Variants in PRR16 observed in about 807,000 individuals in gnomAD.
The protein encoded by PRR16 is protein Largen.
In PRR16, 6 loss-of-function variants were observed where a neutral mutation model predicts 18.2. That is an observed-to-expected ratio of 0.33 (90% CI 0.18 to 0.65). The LOEUF (loss-of-function observed/expected upper bound fraction) is 0.65, where lower values mean the gene tolerates loss of function less well. Ranked by LOEUF, PRR16 falls within the 30% of genes least tolerant of loss-of-function variation. The probability of loss-of-function intolerance (pLI) is 0.74; values close to 1 mark genes in which losing one functional copy is unlikely to be tolerated. For missense variants in PRR16, 412 were observed against 376.6 expected (o/e 1.09, Z -0.78); for synonymous variants, 151 against 147.8 (o/e 1.02, Z -0.16).
intron 1 of PRR16, among the ~76,000 whole-genome samples, chr5:120,470,088 G>A (rs1749220365): frequency 6.6e-6 from 1 of 152,160 alleles, no homozygotes; most frequent in African/African-American, 2.4e-5. Context: ...AGAAATGCAA[G>A]TTTGAGCAAA....
the PRR16 span, chr5:120,781,154 C>G: frequency 6.6e-6 from 1 of 151,668 alleles, no homozygotes; most frequent in African/African-American, 2.4e-5. Context: ...TTTTTTCAAA[C>G]TGATGATATT....
intron 1 of PRR16, among the ~76,000 whole-genome samples, chr5:120,641,228 T>C (rs533586218): frequency 6.6e-6 from 1 of 152,210 alleles, no homozygotes; most frequent in Non-Finnish European, 1.5e-5. Flanking sequence ...CAAATGCTTA[T>C]TGAAGATTAT....
intron 1 of PRR16, among the ~76,000 whole-genome samples, chr5:120,545,063 AG>A (rs1752033767): frequency 6.6e-6 from 1 of 152,132 alleles, no homozygotes; most frequent in Non-Finnish European, 1.5e-5. Context: ...AGTGTCTCCA[AG>A]AAGACAAGAC....
chr5:120,521,160 A>G (rs1457957937), intron 1 of PRR16, among the ~76,000 whole-genome samples: 1 of 152,154 alleles, frequency 6.6e-6, no homozygotes, highest in Non-Finnish European at 1.5e-5. Context: ...CCAAGGATAC[A>G]GGATTCCCCA....
intron 1 of PRR16, among the ~76,000 whole-genome samples, chr5:120,536,473 A>AT (rs1751719392): frequency 1.3e-5 from 2 of 152,250 alleles, no homozygotes; most frequent in Admixed American, 6.5e-5. Flanking sequence ...TCTAGTTCAA[A>AT]GACTCCTACA....
At chr5:120,528,535 C>A (rs1263891266) in intron 1 of PRR16, among the ~76,000 whole-genome samples, 4 of 152,072 alleles carry the variant, frequency 2.6e-5, no homozygotes, top group Non-Finnish European at 4.4e-5. Flanking sequence ...AGAGGAAATA[C>A]AAATAATCTG....
chr5:120,570,607 T>G (rs945172110), intron 1 of PRR16, among the ~76,000 whole-genome samples: 4 of 152,130 alleles, frequency 2.6e-5, no homozygotes, highest in Non-Finnish European at 4.4e-5. Flanking sequence ...ACAATAGTAT[T>G]TATTGTAGCT....
At chr5:120,794,072 A>G in the PRR16 span, among the ~76,000 whole-genome samples, 1 of 152,132 alleles carries the variant, frequency 6.6e-6, no homozygotes, top group Non-Finnish European at 1.5e-5. Context: ...TTAACTCCTG[A>G]AAAGACTAAG....
intron 1 of PRR16, among the ~76,000 whole-genome samples, chr5:120,659,083 A>G (rs1017423895): frequency 8.6e-5 from 13 of 151,914 alleles, no homozygotes; most frequent in Admixed American, 6.6e-4. Context: ...CAAGTCTTTC[A>G]TGAACCATAC....
the PRR16 span, among the ~76,000 whole-genome samples, chr5:120,693,579 G>C: frequency 3.9e-5 from 6 of 152,194 alleles, no homozygotes; most frequent in Non-Finnish European, 8.8e-5. Context: ...TTCATTCTTT[G>C]TATAGGTCAG....
intron 1 of PRR16, among the ~76,000 whole-genome samples, chr5:120,522,260 A>G (rs1459652620): frequency 6.6e-6 from 1 of 152,186 alleles, no homozygotes; most frequent in Non-Finnish European, 1.5e-5. Context: ...GTCTTCCACA[A>G]TGGTTGAACT....
the PRR16 span, among the ~76,000 whole-genome samples, chr5:120,742,153 A>G: frequency 2.6e-5 from 4 of 151,896 alleles, no homozygotes; most frequent in African/African-American, 9.7e-5. Context: ...TTTTTACAGA[A>G]TACATGGGTT....
chr5:120,571,436 T>C (rs1186530312), intron 1 of PRR16, among the ~76,000 whole-genome samples: 1 of 152,104 alleles, frequency 6.6e-6, no homozygotes, highest in Non-Finnish European at 1.5e-5. Flanking sequence ...TGGTAAGATA[T>C]AAGGTCAGAA....
chr5:120,759,441 G>A, the PRR16 span, among the ~76,000 whole-genome samples: 1 of 151,978 alleles, frequency 6.6e-6, no homozygotes, highest in Non-Finnish European at 1.5e-5. Flanking sequence ...TATACTATAT[G>A]ATTCTAATTA....
chr5:120,644,947 C>T (rs560742453), intron 1 of PRR16, among the ~76,000 whole-genome samples: 9 of 152,222 alleles, frequency 5.9e-5, no homozygotes, highest in South Asian at 2.1e-4. Context: ...GCAACTAATT[C>T]GTCTAAAGCC....
the PRR16 span, among the ~76,000 whole-genome samples, chr5:120,767,928 TA>T: frequency 6.6e-6 from 1 of 151,862 alleles, no homozygotes; most frequent in Non-Finnish European, 1.5e-5. Context: ...TATATCACAA[TA>T]AAAGTGTTTT....
chr5:120,578,098 A>G (rs1580745171), intron 1 of PRR16, among the ~76,000 whole-genome samples: 1 of 152,302 alleles, frequency 6.6e-6, no homozygotes, highest in East Asian at 1.9e-4. Flanking sequence ...AATAGAAAAG[A>G]AACAGATCAG....
At chr5:120,483,929 C>A (rs533256408) in intron 1 of PRR16, among the ~76,000 whole-genome samples, 1 of 152,024 alleles carries the variant, frequency 6.6e-6, no homozygotes, top group Non-Finnish European at 1.5e-5. Context: ...TCCAACTTGG[C>A]CTTAATTGGC....
chr5:120,756,298 T>C, the PRR16 span, among the ~76,000 whole-genome samples: 13 of 152,072 alleles, frequency 8.5e-5, no homozygotes, highest in African/African-American at 3.1e-4. Context: ...GCATGGGAAG[T>C]TGGAATTTTC....
Sources: allele counts gnomAD v4.1 joint callset (sites outside exome capture counted in the v4.1 genomes callset), GRCh38; gene constraint gnomAD v4.1.1; transcripts MANE v1.5; gene names NCBI Gene and HGNC (gene_info 2026-07-23, HGNC 2026-07-21).